ARHGDIB: variants seen among roughly 807,000 people sequenced by gnomAD.
ARHGDIB encodes rho GDP-dissociation inhibitor 2.
ARHGDIB carries 20 observed loss-of-function variants against 22.6 expected under a neutral mutation model. The observed-to-expected ratio is 0.88, with a 90% CI of 0.62 to 1.28. The LOEUF (loss-of-function observed/expected upper bound fraction) is 1.28. Ranked by LOEUF, ARHGDIB falls within the 50% of genes most tolerant of loss-of-function variation. The pLI, the probability that ARHGDIB is intolerant of heterozygous loss-of-function variation, is 0.00. For synonymous variants in ARHGDIB, 114 were observed against 96.1 expected (o/e 1.19, Z -1.09); for missense variants, 254 against 245.4 (o/e 1.04, Z -0.23).
At chr12:14,944,337 C>A (rs565961979) in intron 5 of ARHGDIB, among the ~76,000 whole-genome samples, 61 of 149,772 alleles carry the variant, frequency 4.1e-4, no homozygotes, top group African/African-American at 1.5e-3. Context: ...CCTCCCCCTT[C>A]CCTCCAATGC....
intron 1 of ARHGDIB, among the ~76,000 whole-genome samples, chr12:14,959,515 C>A (rs1214100134): frequency 6.6e-6 from 1 of 152,210 alleles, no homozygotes. Context: ...AGGCCTGACA[C>A]ATAGAAGGCA....
chr12:14,950,779 T>G (rs1429279803), intron 1 of ARHGDIB, 55 bp from the exon 2 acceptor site: 1 of 1,465,986 alleles, frequency 6.8e-7, no homozygotes, highest in African/African-American at 1.4e-5. Context: ...TAAAAGATGT[T>G]AGTGGGGCTG....
At chr12:14,953,324 C>T (rs867594734) in intron 1 of ARHGDIB, among the ~76,000 whole-genome samples, 2 of 152,146 alleles carry the variant, frequency 1.3e-5, no homozygotes, top group African/African-American at 4.8e-5. Context: ...CCCAAACTAG[C>T]TCATTCTAGA....
rs114888370 is a variant in ARHGDIB, at chr12:14,954,500, T to C, written c.-12-3776A>G. ...GGTCATTCCGTTTGATTTTGGATAA[T>C]GCTCTCTTCATTGAACTAGGCCTTG... On this transcript the variant is annotated intron_variant, in intron 1 of 5. Coordinates refer to ENST00000228945, the MANE Select transcript of ARHGDIB (RefSeq NM_001175.7). Among the ~76,000 whole-genome samples, 1,211 of 152,344 alleles carry C rather than the reference T, an allele frequency of 7.9e-3. 14 individuals are homozygous for C. The highest frequency in any genetic ancestry group is 0.028 in the African/African-American group (1,170 of 41,574).
chr12:14,953,925 C>A (rs1026280817), intron 1 of ARHGDIB, among the ~76,000 whole-genome samples: 1 of 149,106 alleles, frequency 6.7e-6, no homozygotes, highest in African/African-American at 2.5e-5. Flanking sequence ...TCTCTCCCTT[C>A]TTTCCTTCCT....
In ARHGDIB at chr12:14,949,895, C is replaced by T. The variant is rs376021721; in HGVS notation, c.182-10G>A. The T allele has an allele frequency of 2.0e-5, 32 of 1,611,638 alleles. No homozygotes were observed. The highest frequency in any genetic ancestry group is 4.5e-5 in the East Asian group (2 of 44,848). ...TTGGGGGCTTTCGGATCTGCAGGAT[C>T]GAAAGGGAATGTAAGTACCAAGAAG... On this transcript the variant is annotated splice_polypyrimidine_tract_variant and intron_variant, in intron 2 of 5. Transcript: ENST00000228945.
intron 5 of ARHGDIB, among the ~76,000 whole-genome samples, chr12:14,944,215 A>T (rs10772824): frequency 0.74 from 108,693 of 147,780 alleles, 40,788 homozygotes; most frequent in Non-Finnish European, 0.82. Flanking sequence ...CCAAGGCATG[A>T]CAAGAAGAAT....
intron 1 of ARHGDIB, among the ~76,000 whole-genome samples, chr12:14,960,276 A>T (rs1189013001): frequency 6.6e-6 from 1 of 152,238 alleles, no homozygotes; most frequent in Non-Finnish European, 1.5e-5. Flanking sequence ...TTTATGAAAC[A>T]TGCTGGCTGG....
At chr12:14,950,747 G>C in intron 1 of ARHGDIB, 23 bp from the exon 2 acceptor site, 1 of 1,560,130 alleles carries the variant, frequency 6.4e-7, no homozygotes, top group East Asian at 2.3e-5. Context: ...ATGACAGCCC[G>C]TTAGTCAACA....
chr12:14,942,654 T>C lies in ARHGDIB; in HGVS notation c.474A>G (p.Pro158=), dbSNP rs1296546882. 1.2e-6 allele frequency: 2 copies of C among 1,614,030 alleles called. No homozygotes were observed. The highest frequency in any genetic ancestry group is 1.7e-6 in the Non-Finnish European group (2 of 1,180,020). Residue 158 remains proline, a synonymous_variant, in exon 6 of 6, where the codon CCA becomes CCG. Coordinates refer to ENST00000228945, the MANE Select transcript of ARHGDIB (RefSeq NM_001175.7). The part of the protein sequence containing the change: ...PRPEEYEFLT[P]VEEAPKGMLA... ...GCATGCCCTTGGGAGCCTCCTCAAC[T>C]GGAGTGAGGAACTCATACTCCTCAG...
chr12:14,948,939 C>T (rs1864097549), intron 3 of ARHGDIB: 1 of 152,412 alleles, frequency 6.6e-6, no homozygotes, highest in South Asian at 2.1e-4. Flanking sequence ...TGTGCCTTCT[C>T]AGCCTCTGAT....
Position 14,944,847 on chromosome 12 carries a change from T to G in ARHGDIB, c.343-8A>C. ...CACAATATCCCTGTTCACCTGCAGG[T>G]GGGAAGGAACCAAGATGTTCAGATT... On this transcript the variant is annotated splice_region_variant and splice_polypyrimidine_tract_variant and intron_variant, in intron 4 of 5. Transcript: ENST00000228945. The G allele has an allele frequency of 6.2e-7, 1 of 1,612,756 alleles. No individual in the cohort carries two copies. Among genetic ancestry groups the G allele is most frequent in the Non-Finnish European group, 8.5e-7 (1 of 1,179,258 alleles).
At chr12:14,955,762 C>T (rs117216858) in intron 1 of ARHGDIB, among the ~76,000 whole-genome samples, 2,438 of 152,284 alleles carry the variant, frequency 0.016, 22 homozygotes, top group Non-Finnish European at 0.028. Context: ...CAACAATTTT[C>T]TCTTTTTATC....
chr12:14,948,240 G>T (rs1864076548), intron 3 of ARHGDIB, among the ~76,000 whole-genome samples: 2 of 151,994 alleles, frequency 1.3e-5, no homozygotes, highest in African/African-American at 4.8e-5. Flanking sequence ...TACAAATAAT[G>T]AGTTGTGAAG....
intron 1 of ARHGDIB, among the ~76,000 whole-genome samples, chr12:14,954,930 G>A (rs1455842658): frequency 6.6e-6 from 1 of 152,086 alleles, no homozygotes; most frequent in Non-Finnish European, 1.5e-5. Context: ...TAAACATTAT[G>A]TTGTATACCT....
chr12:14,959,456 A>G (rs1302618908), intron 1 of ARHGDIB, among the ~76,000 whole-genome samples: 1 of 152,196 alleles, frequency 6.6e-6, no homozygotes, highest in Non-Finnish European at 1.5e-5. Flanking sequence ...CAAATTATTG[A>G]ACACTTCTGC....
chr12:14,948,040 C>A, intron 3 of ARHGDIB, 91 bp from the exon 4 acceptor site: 1 of 982,576 alleles, frequency 1.0e-6, no homozygotes, highest in Non-Finnish European at 1.6e-6. Flanking sequence ...TTTGTTGGGC[C>A]CACGAGGGCA....
Position 14,947,943 on chromosome 12 carries a change from A to G in ARHGDIB, c.272T>C (p.Leu91Pro), listed in dbSNP as rs771362483. 3.1e-6 allele frequency: 5 copies of G among 1,610,546 alleles called. No homozygotes were observed. In the East Asian group the frequency reaches 6.7e-5, roughly 22 times the overall value. The change falls in exon 4 of 6, where the codon CTG becomes CCG. Residue 91 changes from leucine (L) to proline (P), a missense_variant. Physicochemically the swap from Leu to Pro is moderately conservative, Grantham distance 98. Coordinates refer to ENST00000228945, the MANE Select transcript of ARHGDIB (RefSeq NM_001175.7). The stretch of plus-strand genomic sequence containing the variant: ...AATGGTTTCCTTTTTGAGGGCTTCC[A>G]GATCTCCTGTAGAAGAAGATTTAGA... The part of the protein sequence containing the change: ...GPITMDLTGD[L>P]EALKKETIVL...
intron 1 of ARHGDIB, among the ~76,000 whole-genome samples, chr12:14,953,538 A>G (rs953508508): frequency 3.3e-5 from 5 of 152,200 alleles, no homozygotes; most frequent in African/African-American, 4.8e-5. Flanking sequence ...AACTATACCA[A>G]AAGGGCCCAC....
Sources: gnomAD v4.1 joint callset for allele counts (sites outside exome capture counted in the v4.1 genomes callset) on GRCh38, gnomAD v4.1.1 for gene constraint, MANE v1.5 for transcripts, NCBI Gene and HGNC (gene_info 2026-07-23, HGNC 2026-07-21) for gene names.